The following RAPGEF4 variants were observed in gnomAD, a reference collection of about 807,000 sequenced individuals.
The protein encoded by RAPGEF4 is Rap guanine nucleotide exchange factor 4.
A neutral mutation model predicts 147.9 loss-of-function variants in RAPGEF4; 66 were observed. The ratio of observed to expected loss-of-function variants is 0.45; its 90% CI spans 0.37 to 0.55. RAPGEF4 has a LOEUF of 0.55. Ranked by LOEUF, RAPGEF4 falls within the 20% of genes least tolerant of loss-of-function variation. The pLI, the probability that RAPGEF4 is intolerant of heterozygous loss-of-function variation, is 0.00. For synonymous variants in RAPGEF4, 419 were observed against 442.7 expected (o/e 0.95, Z 0.67); for missense variants, 1,071 against 1,257.3 (o/e 0.85, Z 2.24).
chr2:173,014,723 T>C lies in RAPGEF4; in HGVS notation c.1809+109T>C, dbSNP rs1208896877. 34 of 1,035,086 alleles carry C rather than the reference T, an allele frequency of 3.3e-5. 1 individual carries two copies. Among genetic ancestry groups the C allele is most frequent in the Non-Finnish European group, 4.0e-5 (30 of 750,886 alleles). 64.1% of individuals were successfully genotyped at this position (1,035,086 alleles called of 1,614,324 possible). ...GAGACCGTAATTGCAAATGCTAGAC[T>C]TTGTGAACACATTCATTCATCAGAA... On this transcript the variant is annotated intron_variant, in intron 18 of 30. Coordinates refer to ENST00000397081, the MANE Select transcript of RAPGEF4 (RefSeq NM_007023.4).
chr2:172,981,228 T>A (rs920516964), intron 10 of RAPGEF4, among the ~76,000 whole-genome samples: 2 of 152,240 alleles, frequency 1.3e-5, no homozygotes, highest in African/African-American at 2.4e-5. Context: ...TTGCTGCTGA[T>A]GTCAAGTAGC....
At chr2:172,957,485 C>T (rs1047253595) in intron 6 of RAPGEF4, among the ~76,000 whole-genome samples, 4 of 152,240 alleles carry the variant, frequency 2.6e-5, no homozygotes, top group African/African-American at 9.6e-5. Context: ...GCCTGCCTGT[C>T]AGGCTTGCCC....
intron 4 of RAPGEF4, among the ~76,000 whole-genome samples, chr2:172,876,083 G>A (rs1360923145): frequency 1.3e-5 from 2 of 152,094 alleles, no homozygotes; most frequent in Admixed American, 6.6e-5. Context: ...TGTGATTTTT[G>A]CACATTGATT....
At chr2:172,850,397 C>T (rs1055386171) in intron 4 of RAPGEF4, among the ~76,000 whole-genome samples, 1 of 152,028 alleles carries the variant, frequency 6.6e-6, no homozygotes, top group Non-Finnish European at 1.5e-5. Context: ...GTGGGTGGAT[C>T]ACAAGGTCAG....
chr2:173,018,060 C>A (rs529336964), intron 21 of RAPGEF4, among the ~76,000 whole-genome samples: 1 of 152,312 alleles, frequency 6.6e-6, no homozygotes, highest in Admixed American at 6.5e-5. Context: ...TGCCTCTAAA[C>A]CCAGGAATTA....
chr2:172,800,414 C>A (rs981155859), intron 3 of RAPGEF4, among the ~76,000 whole-genome samples: 2 of 152,310 alleles, frequency 1.3e-5, no homozygotes, highest in Admixed American at 6.5e-5. Context: ...AAGGGAGAAA[C>A]AAAACTGCCA....
chr2:172,944,117 G>A (rs1314266961), intron 6 of RAPGEF4, among the ~76,000 whole-genome samples: 3 of 152,108 alleles, frequency 2.0e-5, no homozygotes, highest in African/African-American at 7.2e-5. Flanking sequence ...CAAACACACG[G>A]GAACATCTTA....
intron 1 of RAPGEF4, among the ~76,000 whole-genome samples, chr2:172,775,874 A>C (rs1017223067): frequency 6.6e-6 from 1 of 152,174 alleles, no homozygotes; most frequent in African/African-American, 2.4e-5. Context: ...AGGTGCCTTA[A>C]ATCATCTTCG....
At chr2:172,860,443 A>G (rs1006012260) in intron 4 of RAPGEF4, 4 of 471,284 alleles carry the variant, frequency 8.5e-6, no homozygotes, top group Non-Finnish European at 1.1e-5. Context: ...TGTAATATCA[A>G]CCTAATAAAG....
intron 4 of RAPGEF4, among the ~76,000 whole-genome samples, chr2:172,880,033 T>A (rs1346777872): frequency 6.6e-6 from 1 of 152,168 alleles, no homozygotes; most frequent in African/African-American, 2.4e-5. Context: ...CATACCTGCA[T>A]AGCCTGCAAA....
intron 10 of RAPGEF4, among the ~76,000 whole-genome samples, chr2:172,982,862 G>A (rs923749611): frequency 1.3e-5 from 2 of 152,122 alleles, no homozygotes; most frequent in Admixed American, 6.5e-5. Context: ...TTGGGAATGT[G>A]GAATATACCT....
intron 4 of RAPGEF4, among the ~76,000 whole-genome samples, chr2:172,864,702 G>A (rs1248983838): frequency 1.3e-5 from 2 of 152,192 alleles, no homozygotes; most frequent in African/African-American, 4.8e-5. Context: ...CTAGGAGTTC[G>A]AGACTAGCCT....
rs3769264 is a variant in RAPGEF4 at position 172,912,674 on chromosome 2, G to A, written c.445-5128G>A. ...TGAATACAAACTAAATGACTCCTTT[G>A]TTAGCTCATCTGTGTATGCACCTTA... On this transcript the variant is annotated intron_variant, in intron 4 of 30. Coordinates refer to ENST00000397081, the MANE Select transcript of RAPGEF4 (RefSeq NM_007023.4). 3.5e-3 allele frequency among the ~76,000 whole-genome samples: 537 copies of A among 152,216 alleles called. 6 individuals carry two copies. Among genetic ancestry groups the A allele is most frequent in the Admixed American group, 0.024 (368 of 15,292 alleles).
chr2:173,010,923 A>G (rs182654741), intron 17 of RAPGEF4, among the ~76,000 whole-genome samples: 32 of 152,316 alleles, frequency 2.1e-4, no homozygotes, highest in African/African-American at 7.5e-4. Context: ...ACTTTAGTAA[A>G]TAAACATCCA....
chr2:172,900,328 C>T (rs1305676359), intron 4 of RAPGEF4, among the ~76,000 whole-genome samples: 1 of 152,210 alleles, frequency 6.6e-6, no homozygotes, highest in African/African-American at 2.4e-5. Context: ...TAACTTCCAA[C>T]TCCTGGGTTC....
At chr2:172,785,962 C>T (rs2068545079) in intron 1 of RAPGEF4, among the ~76,000 whole-genome samples, 2 of 152,148 alleles carry the variant, frequency 1.3e-5, no homozygotes, top group South Asian at 4.2e-4. Context: ...AAAGGGTTTG[C>T]AAATATTGAC....
intron 6 of RAPGEF4, chr2:172,928,243 G>T: frequency 4.4e-6 from 2 of 453,632 alleles, no homozygotes; most frequent in South Asian, 3.1e-5. Context: ...TGCATTTTAT[G>T]GGGCAGACTG....
intron 4 of RAPGEF4, chr2:172,822,034 T>A: frequency 3.2e-6 from 5 of 1,583,064 alleles, no homozygotes; most frequent in Non-Finnish European, 4.3e-6. Context: ...AAATACTACA[T>A]GTTACTGTTT....
intron 4 of RAPGEF4, 42 bp downstream of exon 4, chr2:172,814,467 A>C (rs1688312004): frequency 6.2e-7 from 1 of 1,603,760 alleles, no homozygotes; most frequent in South Asian, 1.1e-5. Context: ...CAGTTTCAGA[A>C]AAGAAAGGGA....
Sources: gnomAD v4.1 joint callset for allele counts (sites outside exome capture counted in the v4.1 genomes callset) on GRCh38, gnomAD v4.1.1 for gene constraint, MANE v1.5 for transcripts, NCBI Gene and HGNC (gene_info 2026-07-23, HGNC 2026-07-21) for gene names.